MTERF4: variants seen among roughly 807,000 people sequenced by gnomAD.
MTERF4 encodes the protein mitochondrial transcription termination factor 4.
Under a neutral mutation model 22.5 loss-of-function variants are expected in MTERF4, and 17 were observed. That is an observed-to-expected ratio of 0.75 (90% CI 0.52 to 1.13). MTERF4 has a LOEUF of 1.13. MTERF4 is among the 50% of genes most tolerant of loss of function. The pLI is 0.00. For synonymous variants in MTERF4, 165 were observed against 175.3 expected (o/e 0.94, Z 0.47); for missense variants, 420 against 466.8 (o/e 0.90, Z 0.92).
chr2:241,066,119 C>T, the MTERF4 span, among the ~76,000 whole-genome samples: 2 of 152,194 alleles, frequency 1.3e-5, no homozygotes, highest in Non-Finnish European at 2.9e-5. Context: ...GACCCAGAGC[C>T]TCCACCTGGA....
At chr2:241,090,593 C>T (rs944897313), downstream of MTERF4, 3 of 972,572 alleles carry the variant, frequency 3.1e-6, no homozygotes. Context: ...CCAGCATCAC[C>T]ACAAACACAA....
chr2:241,085,665 G>A (rs1421752286), downstream of MTERF4, among the ~76,000 whole-genome samples: 1 of 151,912 alleles, frequency 6.6e-6, no homozygotes, highest in Non-Finnish European at 1.5e-5. Flanking sequence ...ATTGGATGCT[G>A]GGCATTGTAA....
the MTERF4 span, among the ~76,000 whole-genome samples, chr2:241,058,261 G>C: frequency 6.6e-6 from 1 of 152,048 alleles, no homozygotes; most frequent in Non-Finnish European, 1.5e-5. Context: ...AAATATTCAA[G>C]CATCTAATAC....
At chr2:241,054,223 C>T in the MTERF4 span, among the ~76,000 whole-genome samples, 5 of 152,118 alleles carry the variant, frequency 3.3e-5, no homozygotes, top group Non-Finnish European at 5.9e-5. Context: ...GATGAGAAGC[C>T]GATATCCTCA....
downstream of MTERF4, chr2:241,088,207 T>G: frequency 1.6e-6 from 1 of 623,044 alleles, no homozygotes; most frequent in South Asian, 2.0e-5. Context: ...ACTAAAATGC[T>G]AATCTCCACA....
At chr2:241,068,013 G>T, downstream of MTERF4, 1 of 1,439,734 alleles carries the variant, frequency 6.9e-7, no homozygotes, top group Non-Finnish European at 9.5e-7. This position sits in a 1 kb window ranked among gnomAD's most constrained non-coding sequence, Gnocchi z 5.3. Context: ...GGGACACGGG[G>T]CCCAGGTCTC....
downstream of MTERF4, chr2:241,091,853 CCTGTG>C (rs2064029140): frequency 6.6e-6 from 1 of 152,632 alleles, no homozygotes; most frequent in Non-Finnish European, 1.5e-5. The surrounding 1 kb of genome is among the most constrained non-coding windows in gnomAD (Gnocchi z 4.1). Context: ...GGACCAACCA[CCTGTG>C]AGTCCTGCGA....
In MTERF4 at chr2:241,102,270, C is replaced by T; in HGVS notation, c.4G>A (p.Ala2Thr). 6.5e-7 allele frequency: 1 copy of T among 1,549,736 alleles called. No individual in the cohort carries two copies. Among genetic ancestry groups the T allele is most frequent in the Non-Finnish European group, 8.7e-7 (1 of 1,146,164 alleles). The change falls in exon 1 of 4, where the codon GCT becomes ACT. Residue 2 changes from alanine to threonine, a missense_variant. By Grantham distance (58) the Ala-to-Thr change is moderately conservative (BLOSUM62 0). Coordinates refer to ENST00000391980, the MANE Select transcript of MTERF4 (RefSeq NM_182501.4). M[A>T]AFGRQVLDWH... ...GAGCTTACCTGACGGCCGAACGCAG[C>T]CATAGCGCGGAGAAGATGGCAGCAG...
the MTERF4 span, among the ~76,000 whole-genome samples, chr2:241,062,624 C>T: frequency 5.1e-4 from 77 of 152,352 alleles, no homozygotes; most frequent in African/African-American, 1.9e-3. Flanking sequence ...GCCCCAGGCC[C>T]ACTGCCCTGC....
chr2:241,063,796 C>G, the MTERF4 span: 1 of 989,906 alleles, frequency 1.0e-6, no homozygotes, highest in African/African-American at 1.6e-5. Flanking sequence ...GCTGGGCAGG[C>G]CACCTGGGGA....
the MTERF4 span, among the ~76,000 whole-genome samples, chr2:241,043,709 A>G: frequency 4.6e-5 from 7 of 152,268 alleles, no homozygotes; most frequent in African/African-American, 1.7e-4. Context: ...CAAGCTGTGC[A>G]AACTTTTTCT....
At chr2:241,102,062 AAT>A in intron 1 of MTERF4, 189 bp downstream of exon 1, 1 of 729,048 alleles carries the variant, frequency 1.4e-6, no homozygotes, top group African/African-American at 1.9e-5. Flanking sequence ...AAAAAAAAAA[AAT>A]GTCAACTCTA....
chr2:241,071,334 T>G, downstream of MTERF4: 1 of 588,496 alleles, frequency 1.7e-6, no homozygotes, highest in Non-Finnish European at 3.0e-6. Flanking sequence ...CCCAGGCCAG[T>G]GCACGCCTGT....
At chr2:241,090,232 T>G (rs1179318092), downstream of MTERF4, 2 of 1,492,514 alleles carry the variant, frequency 1.3e-6, no homozygotes, top group Admixed American at 2.5e-5. Context: ...CTATTTAACT[T>G]TTGTTAAAAA....
chr2:241,077,355 C>T (rs952670784), intron 4 of MTERF4, among the ~76,000 whole-genome samples: 2 of 152,128 alleles, frequency 1.3e-5, no homozygotes, highest in African/African-American at 2.4e-5. Flanking sequence ...TCATGACCTT[C>T]GATCATGAGG....
chr2:241,051,650 C>T, the MTERF4 span: 5 of 1,021,314 alleles, frequency 4.9e-6, no homozygotes, highest in East Asian at 8.2e-5. This position sits in a 1 kb window ranked among gnomAD's most constrained non-coding sequence, Gnocchi z 4.7. Context: ...GCCCCACCAG[C>T]ACCAGAGGAC....
At chr2:241,065,228 C>T in the MTERF4 span, 16 of 1,528,342 alleles carry the variant, frequency 1.0e-5, no homozygotes, top group Middle Eastern at 1.7e-4. Flanking sequence ...GCTGAGCCGC[C>T]GACGGGAGCC....
chr2:241,097,902 C>G (rs1559339249), intron 2 of MTERF4, among the ~76,000 whole-genome samples: 1 of 152,174 alleles, frequency 6.6e-6, no homozygotes, highest in Non-Finnish European at 1.5e-5. Context: ...CCATCACCAT[C>G]GTCATCATAA....
chr2:241,052,402 G>A, the MTERF4 span: 5 of 1,599,900 alleles, frequency 3.1e-6, no homozygotes, highest in East Asian at 8.9e-5. Flanking sequence ...GGGCACCTGC[G>A]AGGACCGGGA....
Sources: gnomAD v4.1 joint callset for allele counts (sites outside exome capture counted in the v4.1 genomes callset) on GRCh38, gnomAD v4.1.1 for gene constraint, Gnocchi (gnomAD v3.1) non-coding constraint, MANE v1.5 for transcripts, NCBI Gene and HGNC (gene_info 2026-07-23, HGNC 2026-07-21) for gene names.